The following VOPP1 variants were observed in gnomAD, a reference collection of about 807,000 sequenced individuals.
VOPP1 encodes the protein VOPP1 WW domain binding protein.
A neutral mutation model predicts 23.5 loss-of-function variants in VOPP1; 8 were observed. That is an observed-to-expected ratio of 0.34 (90% CI 0.20 to 0.61). VOPP1 has a LOEUF of 0.61. Among genes scored for constraint, VOPP1 ranks in the 20% least tolerant of loss-of-function variants. The pLI, the probability that VOPP1 is intolerant of heterozygous loss-of-function variation, is 0.78. For synonymous variants in VOPP1, 83 were observed against 97.3 expected (o/e 0.85, Z 0.86); for missense variants, 174 against 238.1 (o/e 0.73, Z 1.77).
chr7:55,484,373 T>G (rs1357357041), intron 4 of VOPP1, among the ~76,000 whole-genome samples: 1 of 152,228 alleles, frequency 6.6e-6, no homozygotes, highest in Non-Finnish European at 1.5e-5. Flanking sequence ...CTTTCTTCAC[T>G]GAACCTAGAG....
In VOPP1 at chr7:55,564,710, A is replaced by C. The variant is rs1798108562; in HGVS notation, c.54+7561T>G. On this transcript the variant is annotated intron_variant, in intron 1 of 4. Coordinates refer to ENST00000285279, the MANE Select transcript of VOPP1 (RefSeq NM_030796.5). ...AGGTGTGCAGCCACCTGGGCACAGG[A>C]AACTTGCTTGGGAATGACTGACAAT... is the stretch of plus-strand genomic sequence containing the variant. Among the ~76,000 whole-genome samples the C allele has an allele frequency of 2.0e-5, 3 of 152,292 alleles. No homozygotes were observed. In the South Asian group the frequency reaches 6.2e-4, roughly 32 times the overall value.
chr7:55,441,509 C>T (rs368884454), intron 4 of VOPP1, among the ~76,000 whole-genome samples: 2 of 152,190 alleles, frequency 1.3e-5, no homozygotes, highest in South Asian at 4.1e-4. Context: ...GGCTTTGCCA[C>T]CTTCAATACT....
At chr7:55,454,566 C>T (rs867714777) in intron 4 of VOPP1, among the ~76,000 whole-genome samples, 4 of 152,264 alleles carry the variant, frequency 2.6e-5, no homozygotes, top group Middle Eastern at 3.4e-3. Flanking sequence ...TACTGGCAAA[C>T]CAAATCCAGC....
intron 4 of VOPP1, among the ~76,000 whole-genome samples, chr7:55,448,713 AG>A (rs1303243460): frequency 1.3e-5 from 2 of 152,216 alleles, no homozygotes; most frequent in Non-Finnish European, 2.9e-5. Context: ...TGGGGGACTC[AG>A]GTCTCCCGCA....
intron 4 of VOPP1, among the ~76,000 whole-genome samples, chr7:55,481,095 G>A (rs1285352961): frequency 6.6e-6 from 1 of 152,242 alleles, no homozygotes; most frequent in Non-Finnish European, 1.5e-5. Context: ...GGGCAGAAGG[G>A]GCAGGCAGCA....
intron 1 of VOPP1, among the ~76,000 whole-genome samples, chr7:55,568,959 T>A (rs535575435): frequency 6.6e-6 from 1 of 152,288 alleles, no homozygotes; most frequent in South Asian, 2.1e-4. Flanking sequence ...CTTAGCATTT[T>A]ATGAACCAAA....
intron 4 of VOPP1, among the ~76,000 whole-genome samples, chr7:55,438,462 A>C (rs1226403376): frequency 6.6e-6 from 1 of 152,216 alleles, no homozygotes; most frequent in Non-Finnish European, 1.5e-5. Context: ...AAGCAGGATC[A>C]GGGAGACTGA....
At chr7:55,492,519 C>T (rs889829707) in intron 3 of VOPP1, 101 bp from the exon 4 acceptor site, 75 of 1,320,352 alleles carry the variant, frequency 5.7e-5, no homozygotes, top group Non-Finnish European at 6.9e-5. Context: ...GGGTCCGGGA[C>T]CAATGACTCC....
intron 1 of VOPP1, among the ~76,000 whole-genome samples, chr7:55,551,277 T>C (rs1240927038): frequency 7.2e-5 from 11 of 152,226 alleles, no homozygotes; most frequent in Admixed American, 7.2e-4. Context: ...TCATCACTCC[T>C]AGAGTCAATG....
At chr7:55,541,355 T>C (rs1251808839) in intron 1 of VOPP1, among the ~76,000 whole-genome samples, 1 of 152,140 alleles carries the variant, frequency 6.6e-6, no homozygotes, top group Non-Finnish European at 1.5e-5. Flanking sequence ...AATAAACAAA[T>C]GAAAAGAAGC....
rs192207115 is a variant in VOPP1, at chr7:55,512,440, G to T, written c.113+8632C>A. Among the ~76,000 whole-genome samples the T allele has an allele frequency of 1.7e-3, 260 of 152,060 alleles. 2 individuals are homozygous for T. Among genetic ancestry groups the T allele is most frequent in the Non-Finnish European group, 2.2e-3 (151 of 67,944 alleles). On this transcript the variant is annotated intron_variant, in intron 2 of 4. Coordinates refer to ENST00000285279, the MANE Select transcript of VOPP1 (RefSeq NM_030796.5). Reference sequence around the variant, plus strand: ...TTCCGTTTCAAAAAAAAAAGGAAAAGAAAAATAAATCAAGGTCACATTTTA... The same window carrying T: ...TTCCGTTTCAAAAAAAAAAGGAAAATAAAAATAAATCAAGGTCACATTTTA...
intron 1 of VOPP1, chr7:55,562,049 C>A (rs1330176138): frequency 2.8e-6 from 2 of 703,348 alleles, no homozygotes; most frequent in Non-Finnish European, 5.2e-6. Context: ...AAGCAATGTG[C>A]ATCTGTTAAA....
intron 4 of VOPP1, among the ~76,000 whole-genome samples, chr7:55,483,266 G>A (rs1320346515): frequency 6.6e-6 from 1 of 152,180 alleles, no homozygotes; most frequent in African/African-American, 2.4e-5. Context: ...TGGCGCTGGG[G>A]TGAGGGAGAG....
chr7:55,473,340 T>A (rs866163330), intron 4 of VOPP1, among the ~76,000 whole-genome samples: 2 of 152,200 alleles, frequency 1.3e-5, no homozygotes, highest in African/African-American at 4.8e-5. Context: ...CGGTGAACTA[T>A]CGGAAGAGCT....
chr7:55,497,706 C>T lies in VOPP1; in HGVS notation c.114-16G>A. ...GGAGCGGCATCTGTGGAGAGAGGCACAGGCTGGTCAGCACTGAATTGGAAG... is the reference window on the plus strand; with the variant it reads ...GGAGCGGCATCTGTGGAGAGAGGCATAGGCTGGTCAGCACTGAATTGGAAG... On this transcript the variant is annotated splice_polypyrimidine_tract_variant and intron_variant, in intron 2 of 4. Coordinates refer to ENST00000285279, the MANE Select transcript of VOPP1 (RefSeq NM_030796.5). The T allele has an allele frequency of 6.2e-7, 1 of 1,613,502 alleles. No homozygotes were observed. The highest frequency in any genetic ancestry group is 8.5e-7 in the Non-Finnish European group (1 of 1,179,474).
At chr7:55,468,069 C>A (rs1013829030), downstream of VOPP1, among the ~76,000 whole-genome samples, 2 of 152,070 alleles carry the variant, frequency 1.3e-5, no homozygotes, top group African/African-American at 4.8e-5. Flanking sequence ...GTCAAGAGAT[C>A]AAGACCATCC....
At chr7:55,440,885 A>G (rs1231362706) in intron 4 of VOPP1, among the ~76,000 whole-genome samples, 2 of 152,130 alleles carry the variant, frequency 1.3e-5, no homozygotes, top group Admixed American at 6.5e-5. Context: ...TCACACATGG[A>G]GCAGAACATC....
chr7:55,494,139 G>T (rs180750531), intron 3 of VOPP1, among the ~76,000 whole-genome samples: 1 of 152,170 alleles, frequency 6.6e-6, no homozygotes, highest in African/African-American at 2.4e-5. Flanking sequence ...GACCCAAACC[G>T]TTCAGGAGTG....
chr7:55,461,649 C>A (rs566610413), intron 4 of VOPP1, among the ~76,000 whole-genome samples: 2 of 152,294 alleles, frequency 1.3e-5, no homozygotes, highest in African/African-American at 4.8e-5. Flanking sequence ...AACTCCTGAC[C>A]TCGTGATCCA....
Sources: allele counts gnomAD v4.1 joint callset (sites outside exome capture counted in the v4.1 genomes callset), GRCh38; gene constraint gnomAD v4.1.1; transcripts MANE v1.5; gene names NCBI Gene and HGNC (gene_info 2026-07-23, HGNC 2026-07-21).